KIR2DL3: variants seen among roughly 807,000 people sequenced by gnomAD.
KIR2DL3 encodes killer cell immunoglobulin like receptor, two Ig domains and long cytoplasmic tail 3.
Under a neutral mutation model 33.8 loss-of-function variants are expected in KIR2DL3, and 39 were observed. The ratio of observed to expected loss-of-function variants is 1.15; its 90% confidence interval spans 0.89 to 1.51. KIR2DL3 has a LOEUF of 1.51. Among genes scored for constraint, KIR2DL3 ranks in the 40% most tolerant of loss-of-function variants. The probability of loss-of-function intolerance (pLI) is 0.00; values close to 1 mark genes in which losing one functional copy is unlikely to be tolerated. For synonymous variants in KIR2DL3, 174 were observed against 160.2 expected (o/e 1.09, Z -0.65); for missense variants, 462 against 426.2 (o/e 1.08, Z -0.74).
At chr19:54,747,536 T>C (rs970082727) in intron 5 of KIR2DL3, 151 bp downstream of exon 5, 200 of 1,051,588 alleles carry the variant, frequency 1.9e-4, no homozygotes, top group Non-Finnish European at 2.8e-4. Context: ...GCGAAAGGGA[T>C]CTGGGCCCAA....
intron 3 of KIR2DL3, 33 bp from the exon 4 acceptor site, chr19:54,743,762 T>C: frequency 2.6e-6 from 4 of 1,541,310 alleles, no homozygotes; most frequent in Non-Finnish European, 3.5e-6. Context: ...ACAAGGAAGA[T>C]CCTCCGTAAG....
chr19:54,742,493 G>C (rs1242586917), intron 3 of KIR2DL3, among the ~76,000 whole-genome samples: 1 of 152,028 alleles, frequency 6.6e-6, no homozygotes, highest in Non-Finnish European at 1.5e-5. Flanking sequence ...CATACAGGGA[G>C]TTAGAAAAGA....
intron 3 of KIR2DL3, 61 bp from the exon 4 acceptor site, chr19:54,743,734 C>T (rs1226273197): frequency 8.4e-6 from 12 of 1,432,316 alleles, no homozygotes; most frequent in South Asian, 1.3e-5. Flanking sequence ...GTTCTCAGCT[C>T]AGGTGAAGGG....
In KIR2DL3 at chr19:54,743,504, A is replaced by ATTTTAGAT. The variant is rs765467734; in HGVS notation, c.371-291_371-290insTTTTAGAT. 3.5e-3 allele frequency among the ~76,000 whole-genome samples: 534 copies of ATTTTAGAT among 152,366 alleles called. 2 individuals are homozygous for ATTTTAGAT. Among genetic ancestry groups the ATTTTAGAT allele is most frequent in the Non-Finnish European group, 5.8e-3 (392 of 68,034 alleles). On this transcript the variant is annotated intron_variant, in intron 3 of 7. Coordinates refer to ENST00000342376, the MANE Select transcript of KIR2DL3 (RefSeq NM_015868.3). ...TTATGAACAGGACACAACGTGAGAA[A>ATTTTAGAT]CTTAGAATTTAAAAAAGTAACATCA...
At chr19:54,749,130 C>G (rs1208478933) in intron 5 of KIR2DL3, among the ~76,000 whole-genome samples, 446 of 141,042 alleles carry the variant, frequency 3.2e-3, no homozygotes, top group African/African-American at 4.8e-3. Flanking sequence ...GGCTCTGCCT[C>G]AAATGCTGGG....
intron 5 of KIR2DL3, among the ~76,000 whole-genome samples, 165 bp downstream of exon 5, chr19:54,747,550 A>G (rs552448326): frequency 6.6e-6 from 1 of 152,294 alleles, no homozygotes; most frequent in South Asian, 2.1e-4. Flanking sequence ...GGCCCAACCT[A>G]GGGCTCAGTG....
At chr19:54,744,832 C>A (rs1218770408) in intron 4 of KIR2DL3, among the ~76,000 whole-genome samples, 1 of 139,774 alleles carries the variant, frequency 7.2e-6, no homozygotes. Flanking sequence ...GCCACATTTA[C>A]CATTTTTAAG....
intron 3 of KIR2DL3, among the ~76,000 whole-genome samples, chr19:54,743,581 A>T (rs1311733675): frequency 2.6e-5 from 4 of 152,180 alleles, no homozygotes; most frequent in African/African-American, 7.2e-5. Context: ...CAAAAAGGGA[A>T]AACATATCTA....
intron 5 of KIR2DL3, among the ~76,000 whole-genome samples, chr19:54,748,040 G>A (rs1186626611): frequency 1.8e-4 from 28 of 151,814 alleles, no homozygotes; most frequent in Non-Finnish European, 2.5e-4. Context: ...CTAAAATCAA[G>A]GTGACAGCAA....
At chr19:54,748,904 G>T (rs2072995027) in intron 5 of KIR2DL3, among the ~76,000 whole-genome samples, 1 of 150,492 alleles carries the variant, frequency 6.6e-6, no homozygotes, top group Non-Finnish European at 1.5e-5. Context: ...TGGGACTACA[G>T]GCGTGAGCCA....
intron 3 of KIR2DL3, among the ~76,000 whole-genome samples, chr19:54,742,767 T>C (rs780590800): frequency 8.8e-4 from 133 of 151,318 alleles, no homozygotes; most frequent in Non-Finnish European, 1.8e-3. Flanking sequence ...CGTCCCAGGA[T>C]ATCATGGCCC....
chr19:54,740,318 C>A (rs1335777075), intron 2 of KIR2DL3, among the ~76,000 whole-genome samples: 2 of 152,018 alleles, frequency 1.3e-5, no homozygotes, highest in African/African-American at 2.4e-5. Context: ...CTTGTGGTGC[C>A]TCTAGGACAT....
chr19:54,739,346 C>A (rs1184958248), intron 1 of KIR2DL3, among the ~76,000 whole-genome samples, 161 bp from the exon 2 acceptor site: 4 of 152,044 alleles, frequency 2.6e-5, no homozygotes, highest in Non-Finnish European at 5.9e-5. Context: ...TGGGTCTCTG[C>A]ACAGCCGACA....
intron 5 of KIR2DL3, among the ~76,000 whole-genome samples, chr19:54,749,259 CG>C: frequency 6.7e-6 from 1 of 149,718 alleles, no homozygotes; most frequent in South Asian, 2.1e-4. Context: ...GGATTCACCT[CG>C]GGGTAACCAG....
At chr19:54,740,795 G>A (rs2147001428) in intron 2 of KIR2DL3, among the ~76,000 whole-genome samples, 1 of 151,836 alleles carries the variant, frequency 6.6e-6, no homozygotes, top group African/African-American at 2.4e-5. Flanking sequence ...GGAAGATGGA[G>A]CTCATGGGGA....
intron 3 of KIR2DL3, among the ~76,000 whole-genome samples, chr19:54,742,761 C>T (rs2147048106): frequency 6.6e-6 from 1 of 151,208 alleles, no homozygotes; most frequent in East Asian, 1.9e-4. Flanking sequence ...AGTAATCGTC[C>T]CAGGATATCA....
Position 54,751,733 on chromosome 19 carries a change from G to A in KIR2DL3, c.800G>A (p.Arg267His), listed in dbSNP as rs140667350. 2.6e-5 allele frequency: 38 copies of A among 1,446,604 alleles called. 6 individuals are homozygous for A. The highest frequency in any genetic ancestry group is 1.1e-4 in the East Asian group (5 of 44,276). 89.6% of individuals were successfully genotyped at this position (1,446,604 alleles called of 1,614,324 possible). Residue 267 changes from arginine to histidine, a missense_variant, in exon 6 of 8, where the codon CGC becomes CAC. Transcript: ENST00000342376. ...CTCCTCCTCTTCTTTCTCCTTCATC[G>A]CTGGTGCTGCAACAAAAAAAGTAAG... ...FILLLFFLLH[R>H]WCCNKKNAVV...
intron 5 of KIR2DL3, among the ~76,000 whole-genome samples, chr19:54,750,298 A>G (rs1328480472): frequency 7.2e-6 from 1 of 139,756 alleles, no homozygotes. Flanking sequence ...TGCCAGCACT[A>G]GCTCCTGCTC....
intron 1 of KIR2DL3, among the ~76,000 whole-genome samples, chr19:54,739,066 G>A (rs62122544): frequency 0.34 from 48,936 of 141,922 alleles, 8,998 homozygotes; most frequent in East Asian, 0.74. Flanking sequence ...GGGCCTAGAG[G>A]TGGATATCTG....
Sources: allele counts gnomAD v4.1 joint callset (sites outside exome capture counted in the v4.1 genomes callset), GRCh38; gene constraint gnomAD v4.1.1; transcripts MANE v1.5; gene names NCBI Gene and HGNC (gene_info 2026-07-23, HGNC 2026-07-21).